RFX8: variants seen among roughly 807,000 people sequenced by gnomAD.
The protein encoded by RFX8 is regulatory factor X8.
A neutral mutation model predicts 54.6 loss-of-function variants in RFX8; 46 were observed. The ratio of observed to expected loss-of-function variants is 0.84; its 90% confidence interval spans 0.67 to 1.08. The LOEUF is 1.08. Among genes scored for constraint, RFX8 ranks in the 50% least tolerant of loss-of-function variants. RFX8 has a pLI of 0.00. For missense variants in RFX8, 536 were observed against 562.3 expected (o/e 0.95, Z 0.47); for synonymous variants, 192 against 209.5 (o/e 0.92, Z 0.72).
chr2:101,470,151 T>C (rs1689895026), intron 1 of RFX8, among the ~76,000 whole-genome samples: 3 of 152,182 alleles, frequency 2.0e-5, no homozygotes, highest in South Asian at 4.1e-4. Context: ...CCCCGGGCTT[T>C]GAACCTCAAA....
intron 1 of RFX8, among the ~76,000 whole-genome samples, chr2:101,473,712 T>C (rs190665727): frequency 9.3e-4 from 141 of 152,328 alleles, no homozygotes; most frequent in African/African-American, 3.2e-3. Flanking sequence ...GCTGAGGATA[T>C]TTTTCTTTCC....
intron 2 of RFX8, among the ~76,000 whole-genome samples, chr2:101,427,653 CACTCTTCA>C (rs1300371135): frequency 2.6e-5 from 4 of 152,290 alleles, no homozygotes; most frequent in African/African-American, 9.6e-5. Context: ...GTGGGAACCG[CACTCTTCA>C]GTGCAGCCCT....
intron 2 of RFX8, among the ~76,000 whole-genome samples, chr2:101,450,373 C>T (rs1156752953): frequency 6.6e-6 from 1 of 152,146 alleles, no homozygotes; most frequent in Non-Finnish European, 1.5e-5. Flanking sequence ...CGGTGCACAA[C>T]ACCATGCCTG....
At chr2:101,448,031 G>C (rs1454584073) in intron 2 of RFX8, among the ~76,000 whole-genome samples, 1 of 152,216 alleles carries the variant, frequency 6.6e-6, no homozygotes, top group African/African-American at 2.4e-5. Context: ...GGGCCAGCTA[G>C]CTCTCTGAAG....
chr2:101,422,076 C>A lies in RFX8; in HGVS notation c.183+286G>T, dbSNP rs184845331. ...TTTTTTCTAAACTTCAATTTTCCCCCTCCATAATCCCCAGCCCTAATTTCT... is the reference window on the plus strand; with the variant it reads ...TTTTTTCTAAACTTCAATTTTCCCCATCCATAATCCCCAGCCCTAATTTCT... On this transcript the variant is annotated intron_variant, in intron 3 of 11. Transcript: ENST00000428343. Among the ~76,000 whole-genome samples the A allele has an allele frequency of 1.0e-3, 152 of 152,300 alleles. 2 individuals are homozygous for A. Among genetic ancestry groups the A allele is most frequent in the African/African-American group, 3.4e-3 (143 of 41,552 alleles).
chr2:101,434,436 G>A (rs1687657920), intron 2 of RFX8, among the ~76,000 whole-genome samples: 1 of 152,178 alleles, frequency 6.6e-6, no homozygotes, highest in Admixed American at 6.5e-5. Flanking sequence ...TGATGACCGA[G>A]GGGGAGACCT....
chr2:101,428,120 CCT>C (rs1381241132), intron 2 of RFX8, among the ~76,000 whole-genome samples: 1 of 152,060 alleles, frequency 6.6e-6, no homozygotes, highest in Non-Finnish European at 1.5e-5. Context: ...TTGATGAAAC[CCT>C]GTCTCTACGA....
Position 101,469,055 on chromosome 2 carries a change from C to G in RFX8, c.-52-2155G>C, listed in dbSNP as rs4334513. 4.9e-5 allele frequency among the ~76,000 whole-genome samples: 5 copies of G among 102,542 alleles called. 1 individual carries two copies. Among genetic ancestry groups the G allele is most frequent in the East Asian group, 6.1e-4 (2 of 3,294 alleles). The allele number at this position is 102,542 out of a possible 152,430, so 67.3% of individuals were successfully genotyped here. ...ACGTATATATATGTATATATATATA[C>G]GTATATATATGTATATATATATAAG... On this transcript the variant is annotated intron_variant, in intron 1 of 11. Coordinates refer to ENST00000428343, the MANE Select transcript of RFX8 (RefSeq NM_001145664.2).
At chr2:101,469,060 ATATATGTATATATATATAAGTG>A (rs1558896497) in intron 1 of RFX8, among the ~76,000 whole-genome samples, 3 of 21,710 alleles carry the variant, frequency 1.4e-4, no homozygotes, top group African/African-American at 3.9e-4. Context: ...ATATACGTAT[ATATATGTATATATATATAAGTG>A]TATATATATA....
In RFX8 at chr2:101,460,821, G is replaced by A. The variant is rs192210461; in HGVS notation, c.72+5956C>T. On this transcript the variant is annotated intron_variant, in intron 2 of 11. Transcript: ENST00000428343. ...CCATTTTTCCTCTTTTCTGGCTCCA[G>A]GTTCTACCTCTTCCTGCAGGAAGTC... 3.1e-3 allele frequency among the ~76,000 whole-genome samples: 475 copies of A among 151,380 alleles called. 1 individual carries two copies. Among genetic ancestry groups the A allele is most frequent in the African/African-American group, 0.011 (456 of 41,154 alleles).
At chr2:101,462,376 GCCGAGAT>G (rs1197167153) in intron 2 of RFX8, among the ~76,000 whole-genome samples, 1 of 152,158 alleles carries the variant, frequency 6.6e-6, no homozygotes, top group African/African-American at 2.4e-5. Context: ...GTTGCAGTGA[GCCGAGAT>G]CATGTCGCTG....
intron 8 of RFX8, 116 bp downstream of exon 8, chr2:101,412,799 A>C (rs1686216514): frequency 8.0e-6 from 8 of 1,004,710 alleles, no homozygotes; most frequent in Non-Finnish European, 1.2e-5. Context: ...ACAACTTAGA[A>C]CATCGGAGTT....
rs1558897018 is a variant in RFX8, at chr2:101,469,109, T to TATATATATATATAA, written c.-52-2210_-52-2209insTTATATATATATAT. On this transcript the variant is annotated intron_variant, in intron 1 of 11. Transcript: ENST00000428343. ...ATATATATAAGTATATATATATAAG[T>TATATATATATATAA]GTATATATATATAAGTATATATATA... is the stretch of plus-strand genomic sequence containing the variant. Among the ~76,000 whole-genome samples the TATATATATATATAA allele has an allele frequency of 1.5e-4, 4 of 26,038 alleles. 1 individual carries two copies. The highest frequency in any genetic ancestry group is 5.3e-4 in the African/African-American group (4 of 7,576). The allele number at this position is 26,038 out of a possible 152,430, so 17.1% of individuals were successfully genotyped here.
intron 2 of RFX8, among the ~76,000 whole-genome samples, chr2:101,459,038 C>T (rs891023264): frequency 4.6e-5 from 7 of 152,144 alleles, no homozygotes; most frequent in South Asian, 2.1e-4. Flanking sequence ...ACAAAGTTCT[C>T]GTGCCACGGT....
intron 2 of RFX8, among the ~76,000 whole-genome samples, chr2:101,436,071 CCTCTTCTCCCCTCCCCAGCAG>C (rs1687766509): frequency 6.6e-6 from 1 of 152,108 alleles, no homozygotes; most frequent in African/African-American, 2.4e-5. Flanking sequence ...CTGTGGGCAC[CCTCTTCTCCCCTCCCCAGCAG>C]ACGGGTGTGG....
chr2:101,424,978 C>T (rs1687093791), intron 2 of RFX8, among the ~76,000 whole-genome samples: 1 of 151,788 alleles, frequency 6.6e-6, no homozygotes, highest in Non-Finnish European at 1.5e-5. Flanking sequence ...AACAAACCTG[C>T]ACGTTGTGCA....
chr2:101,397,601 C>T lies in RFX8; in HGVS notation c.1369G>A (p.Val457Ile), dbSNP rs1418691446. ...TAAATATCTTCAGAGCTTTGGGGTA[C>T]ATCTGATATCTGAATCACAAATTGT... Reference protein sequence around the residue: ...GQQFVIQISDVPQSSEDIYFR... With the variant: ...GQQFVIQISDIPQSSEDIYFR... Residue 457 changes from valine to isoleucine, a missense_variant, in exon 12 of 12, where the codon GTA becomes ATA. Coordinates refer to ENST00000428343, the MANE Select transcript of RFX8 (RefSeq NM_001145664.2). The T allele has an allele frequency of 4.5e-6, 7 of 1,550,502 alleles. No individual in the cohort carries two copies. Among genetic ancestry groups the T allele is most frequent in the Non-Finnish European group, 6.1e-6 (7 of 1,146,382 alleles).
intron 6 of RFX8, among the ~76,000 whole-genome samples, chr2:101,417,114 A>C (rs1370659495): frequency 1.3e-5 from 2 of 152,234 alleles, no homozygotes; most frequent in African/African-American, 4.8e-5. Context: ...GGCCTTCCGG[A>C]CTGTAGCTGA....
At chr2:101,404,038 A>G (rs1369980965) in intron 10 of RFX8, among the ~76,000 whole-genome samples, 2 of 152,244 alleles carry the variant, frequency 1.3e-5, no homozygotes, top group African/African-American at 4.8e-5. Context: ...GATGAGGGTC[A>G]TCTGCATTAT....
Sources: gnomAD v4.1 joint callset for allele counts (sites outside exome capture counted in the v4.1 genomes callset) on GRCh38, gnomAD v4.1.1 for gene constraint, MANE v1.5 for transcripts, NCBI Gene and HGNC (gene_info 2026-07-23, HGNC 2026-07-21) for gene names.